PCDHGA9: variants seen among roughly 807,000 people sequenced by gnomAD.
PCDHGA9 encodes protocadherin gamma subfamily A, 9, also known as protocadherin gamma-A9.
A neutral mutation model predicts 62.5 loss-of-function variants in PCDHGA9; 37 were observed. The observed-to-expected ratio is 0.59, with a 90% CI of 0.46 to 0.78. PCDHGA9 has a LOEUF of 0.78. Ranked by LOEUF, PCDHGA9 falls within the 30% of genes least tolerant of loss-of-function variation. The pLI is 0.00. For synonymous variants in PCDHGA9, 459 were observed against 484.6 expected, an observed-to-expected ratio of 0.95 and a Z score of 0.69; for missense variants, 1,138 against 1,166.2, an observed-to-expected ratio of 0.98 and a Z score of 0.35.
At chr5:141,421,206 G>A in intron 1 of PCDHGA9, 1 of 1,531,730 alleles carries the variant, frequency 6.5e-7, no homozygotes, top group Non-Finnish European at 8.8e-7. Context: ...AGAAACCGCG[G>A]AATATCGGCT....
At chr5:141,418,641 T>C in intron 1 of PCDHGA9, 3 of 1,614,028 alleles carry the variant, frequency 1.9e-6, no homozygotes, top group Non-Finnish European at 2.5e-6. Flanking sequence ...GGCACCTCCA[T>C]CCTGAGAGTG....
Position 141,489,662 on chromosome 5 carries a change from G to T in PCDHGA9, c.2425-5145G>T, listed in dbSNP as rs2233601. On this transcript the variant is annotated intron_variant, in intron 1 of 3. Transcript: ENST00000573521. The surrounding 1 kb of genome is among the most constrained non-coding windows in gnomAD (Gnocchi z 4.5). Reference sequence around the variant, plus strand: ...TTTGCCACCCCTGAGCGAGAGATGCGCATCTCAGAATCAGCAGCATCTGGG... The same window carrying T: ...TTTGCCACCCCTGAGCGAGAGATGCTCATCTCAGAATCAGCAGCATCTGGG... 2.5e-6 allele frequency: 4 copies of T among 1,614,024 alleles called. No homozygotes were observed. The African/African-American group carries it at 4.0e-5, about 16-fold the overall frequency.
intron 1 of PCDHGA9, 169 bp downstream of exon 1, chr5:141,405,545 A>G (rs952875482): frequency 1.6e-6 from 1 of 631,162 alleles, no homozygotes; most frequent in South Asian, 2.0e-5. Flanking sequence ...TCAGCCTCCC[A>G]AGTAGAGTAG....
In PCDHGA9 at chr5:141,510,976, G is replaced by A. The variant is rs752758180; in HGVS notation, c.2602G>A (p.Gly868Arg). The change falls in exon 4 of 4, where the codon GGG (glycine) becomes AGG (arginine). Residue 868 changes from glycine to arginine, a missense_variant. Gly to Arg is a moderately radical substitution (Grantham distance 125, BLOSUM62 -2). Transcript: ENST00000573521. ...EAADGSSTLG[G>R]GAGTMGLSAR... ...TGCTGATGGGAGCTCCACCCTGGGA[G>A]GGGGTGCCGGCACCATGGGATTGAG... The A allele has an allele frequency of 5.0e-6, 8 of 1,614,046 alleles. No individual in the cohort carries two copies. The highest frequency in any genetic ancestry group is 6.8e-6 in the Non-Finnish European group (8 of 1,180,022).
intron 1 of PCDHGA9, among the ~76,000 whole-genome samples, chr5:141,445,937 A>C (rs2098482193): frequency 6.6e-6 from 1 of 152,202 alleles, no homozygotes; most frequent in African/African-American, 2.4e-5. Flanking sequence ...TGAATTATTA[A>C]GCTTACTCTG....
intron 1 of PCDHGA9, among the ~76,000 whole-genome samples, chr5:141,435,303 A>G (rs2097757060): frequency 6.6e-6 from 1 of 152,192 alleles, no homozygotes; most frequent in Admixed American, 6.5e-5. Flanking sequence ...TCATGGTTTT[A>G]AATCATTCAT....
At chr5:141,468,330 CAAA>C (rs533390277) in intron 1 of PCDHGA9, 32,113 of 79,068 alleles carry the variant, frequency 0.41, 3,870 homozygotes, top group African/African-American at 0.52. Flanking sequence ...AACTCCATCT[CAAA>C]AAAAAAAAAA....
Position 141,489,361 on chromosome 5 carries a change from C to A in PCDHGA9, c.2425-5446C>A. ...TTACTCAGTGGTGGAGGAGTCTGAG[C>A]CGGGGACGCTGGTGGGGAATGTTGC... On this transcript the variant is annotated intron_variant, in intron 1 of 3. Transcript: ENST00000573521. This position sits in a 1 kb window ranked among gnomAD's most constrained non-coding sequence, Gnocchi z 4.5. 1 of 1,612,880 alleles carries A rather than the reference C, an allele frequency of 6.2e-7. No individual in the cohort carries two copies. The highest frequency in any genetic ancestry group is 8.5e-7 in the Non-Finnish European group (1 of 1,179,164).
chr5:141,437,820 C>T (rs973577605), intron 1 of PCDHGA9, among the ~76,000 whole-genome samples: 4 of 151,904 alleles, frequency 2.6e-5, no homozygotes, highest in Non-Finnish European at 5.9e-5. Flanking sequence ...TCACTGCAAC[C>T]TCTGCCTCCT....
intron 1 of PCDHGA9, chr5:141,418,283 ATCAG>A: frequency 1.9e-6 from 3 of 1,613,996 alleles, no homozygotes; most frequent in Non-Finnish European, 2.5e-6. Context: ...AAACTTAGAA[ATCAG>A]TGAATCCGTC....
At position 141,477,107 on chromosome 5, in the gene PCDHGA9, C is replaced by A. The variant is rs1431445150; in HGVS notation, c.2425-17700C>A. ...CCAGGCCAAAGACAAGGGCGCCAAT[C>A]CCGAAGGAGCACATTGCAAAGTGTT... On this transcript the variant is annotated intron_variant, in intron 1 of 3. Coordinates refer to ENST00000573521, the MANE Select transcript of PCDHGA9 (RefSeq NM_018921.3). This position sits in a 1 kb window ranked among gnomAD's most constrained non-coding sequence, Gnocchi z 4.9. 1 of 1,614,252 alleles carries A rather than the reference C, an allele frequency of 6.2e-7. No homozygotes were observed. The highest frequency in any genetic ancestry group is 8.5e-7 in the Non-Finnish European group (1 of 1,180,048).
At chr5:141,475,282 G>C (rs942761003) in intron 1 of PCDHGA9, among the ~76,000 whole-genome samples, 2 of 152,150 alleles carry the variant, frequency 1.3e-5, no homozygotes, top group African/African-American at 4.8e-5. Context: ...TGAAAGACAG[G>C]GTAGGGAAAT....
In PCDHGA9 at chr5:141,503,993, C is replaced by T. The variant is rs376134059; in HGVS notation, c.2484-1400C>T. Reference sequence around the variant, plus strand: ...GTGCCAAACCCTTCTTCTTACCTTACAGTCACTTAACTGTCTCTGCTGGTC... The same window carrying T: ...GTGCCAAACCCTTCTTCTTACCTTATAGTCACTTAACTGTCTCTGCTGGTC... On this transcript the variant is annotated intron_variant, in intron 2 of 3. Transcript: ENST00000573521. Among the ~76,000 whole-genome samples, 13 of 152,312 alleles carry T rather than the reference C, an allele frequency of 8.5e-5. 1 individual carries two copies. In the East Asian group the frequency reaches 1.7e-3, roughly 20 times the overall value.
Position 141,489,381 on chromosome 5 carries a change from T to C in PCDHGA9, c.2425-5426T>C. 3 of 1,613,894 alleles carry C rather than the reference T, an allele frequency of 1.9e-6. No individual in the cohort carries two copies. The highest frequency in any genetic ancestry group is 2.5e-6 in the Non-Finnish European group (3 of 1,179,802). On this transcript the variant is annotated intron_variant, in intron 1 of 3. Coordinates refer to ENST00000573521, the MANE Select transcript of PCDHGA9 (RefSeq NM_018921.3). The surrounding 1 kb of genome is among the most constrained non-coding windows in gnomAD (Gnocchi z 4.5). ...CTGAGCCGGGGACGCTGGTGGGGAA[T>C]GTTGCTCAGGATCTGGGCTTAAAGA...
intron 1 of PCDHGA9, chr5:141,408,627 T>A: frequency 6.2e-7 from 1 of 1,613,916 alleles, no homozygotes; most frequent in Admixed American, 1.7e-5. Flanking sequence ...CATTTAGAAA[T>A]TTTCGAATCT....
rs147522770 is a variant in PCDHGA9, at chr5:141,504,573, C to T, written c.2484-820C>T. On this transcript the variant is annotated intron_variant, in intron 2 of 3. Coordinates refer to ENST00000573521, the MANE Select transcript of PCDHGA9 (RefSeq NM_018921.3). ...TGGGGGACTGGCATTCTAGGGAACA[C>T]CATCTGCCCAGGATTCACAGCAAGA... Among the ~76,000 whole-genome samples the T allele has an allele frequency of 5.4e-5, 8 of 148,158 alleles. No individual in the cohort carries two copies. In the East Asian group the frequency reaches 1.6e-3, roughly 30 times the overall value.
chr5:141,473,377 C>T (rs2099320819), intron 1 of PCDHGA9, among the ~76,000 whole-genome samples: 1 of 152,202 alleles, frequency 6.6e-6, no homozygotes, highest in Admixed American at 6.5e-5. Flanking sequence ...TAGCATGGTC[C>T]CTGCCCTCCT....
At position 141,505,504 on chromosome 5, in the gene PCDHGA9, T is replaced by C. The variant is rs756583857; in HGVS notation, c.2572+23T>C. The C allele has an allele frequency of 9.3e-6, 15 of 1,614,020 alleles. No individual in the cohort carries two copies. The African/African-American group carries it at 1.2e-4, about 13-fold the overall frequency. ...GTGGTAAGTGGTGTCAGTGTGTGTA[T>C]GGAAGAGTGGGAGACCTGGGGTTCT... On this transcript the variant is annotated intron_variant, in intron 3 of 3. Transcript: ENST00000573521.
chr5:141,456,434 G>A (rs1418917805), intron 1 of PCDHGA9, among the ~76,000 whole-genome samples: 1 of 152,108 alleles, frequency 6.6e-6, no homozygotes, highest in Non-Finnish European at 1.5e-5. Flanking sequence ...TTATAGTATT[G>A]AGTATACAGA....
Sources: allele counts gnomAD v4.1 joint callset (sites outside exome capture counted in the v4.1 genomes callset), GRCh38; gene constraint gnomAD v4.1.1; non-coding constraint Gnocchi (gnomAD v3.1); transcripts MANE v1.5; gene names NCBI Gene and HGNC (gene_info 2026-07-23, HGNC 2026-07-21).